Variants in TLN1 observed in about 807,000 individuals in gnomAD.
TLN1 encodes talin 1.
A neutral mutation model predicts 292.3 loss-of-function variants in TLN1; 56 were observed. The observed-to-expected ratio is 0.19, with a 90% CI of 0.15 to 0.24. TLN1 has a LOEUF of 0.24. Among genes scored for constraint, TLN1 ranks in the 10% least tolerant of loss-of-function variants. The pLI, the probability that TLN1 is intolerant of heterozygous loss-of-function variation, is 1.00. For missense variants in TLN1, 2,433 were observed against 3,248.2 expected, an observed-to-expected ratio of 0.75 and a Z score of 6.10; for synonymous variants, 1,119 against 1,253.7, an observed-to-expected ratio of 0.89 and a Z score of 2.27.
chr9:35,697,740 G>T lies in TLN1; in HGVS notation c.*51C>A. 4 of 1,599,800 alleles carry T rather than the reference G, an allele frequency of 2.5e-6. No individual in the cohort carries two copies. The highest frequency in any genetic ancestry group is 1.7e-5 in the Admixed American group (1 of 58,902). Reference sequence around the variant, plus strand: ...CCCGACAGCCCAGAAGGCTTTGGTAGTGGCACGCACAGTCTCTGGGCCGGG... The same window carrying T: ...CCCGACAGCCCAGAAGGCTTTGGTATTGGCACGCACAGTCTCTGGGCCGGG... On this transcript the variant is annotated 3_prime_UTR_variant, in exon 57 of 57. Transcript: ENST00000314888.
At chr9:35,729,281 G>A (rs1051785906) in intron 1 of TLN1, among the ~76,000 whole-genome samples, 1 of 152,234 alleles carries the variant, frequency 6.6e-6, no homozygotes, top group Non-Finnish European at 1.5e-5. Context: ...AGCTGGAGAT[G>A]TGTCAGGGGT....
chr9:35,721,917 C>A lies in TLN1; in HGVS notation c.949-114G>T, dbSNP rs1825884710. 22 of 1,416,980 alleles carry A rather than the reference C, an allele frequency of 1.6e-5. No individual in the cohort carries two copies. The South Asian group carries it at 2.6e-4, about 17-fold the overall frequency. 87.8% of individuals were successfully genotyped at this position (1,416,980 alleles called of 1,614,324 possible). On this transcript the variant is annotated intron_variant, in intron 9 of 56. Transcript: ENST00000314888. ...TGAGGTGGCCGGGAGGGCTAACGGACAAGGGAAAATGCAGGGTAGGGAGGG... is the reference window on the plus strand; with the variant it reads ...TGAGGTGGCCGGGAGGGCTAACGGAAAAGGGAAAATGCAGGGTAGGGAGGG...
chr9:35,704,191 C>A lies in TLN1; in HGVS notation c.6048-17G>T, dbSNP rs1460667786. 1.3e-6 allele frequency: 2 copies of A among 1,578,388 alleles called. No homozygotes were observed. The highest frequency in any genetic ancestry group is 8.6e-7 in the Non-Finnish European group (1 of 1,160,642). ...ATGCCCTCCCTGAGGGAGGGCCCAG[C>A]TTAGTCAGATCTCCCCTACCCGCTC... On this transcript the variant is annotated splice_polypyrimidine_tract_variant and intron_variant, in intron 45 of 56. Coordinates refer to ENST00000314888, the MANE Select transcript of TLN1 (RefSeq NM_006289.4). This position sits in a 1 kb window ranked among gnomAD's most constrained non-coding sequence, Gnocchi z 6.9.
In TLN1 at chr9:35,699,237, A is replaced by G. The variant is rs374711808; in HGVS notation, c.6875-81T>C. 2.7e-4 allele frequency: 417 copies of G among 1,561,040 alleles called. No homozygotes were observed. In the African/African-American group the frequency reaches 5.3e-3, roughly 20 times the overall value. On this transcript the variant is annotated intron_variant, in intron 51 of 56. Transcript: ENST00000314888. The surrounding 1 kb of genome is among the most constrained non-coding windows in gnomAD (Gnocchi z 4.0). ...ACCAGGGAGCATGGTTAGTATCATC[A>G]GGCCCTGGCATCTGTGGGGACTATG...
Position 35,714,144 on chromosome 9 carries a change from T to C in TLN1, c.3121-63A>G, listed in dbSNP as rs1825734300. The C allele has an allele frequency of 6.2e-7, 1 of 1,605,528 alleles. No homozygotes were observed. The highest frequency in any genetic ancestry group is 1.3e-5 in the African/African-American group (1 of 74,694). The stretch of plus-strand genomic sequence containing the variant: ...GCTGTGTCTCACCAATGCCTCTGAT[T>C]ACACAATTATCTGCGTATTGGGTTA... On this transcript the variant is annotated intron_variant, in intron 24 of 56. Coordinates refer to ENST00000314888, the MANE Select transcript of TLN1 (RefSeq NM_006289.4). The surrounding 1 kb of genome is among the most constrained non-coding windows in gnomAD (Gnocchi z 4.6).
chr9:35,707,022 C>G lies in TLN1; in HGVS notation c.4955+50G>C. The G allele has an allele frequency of 6.2e-7, 1 of 1,608,504 alleles. No homozygotes were observed. The highest frequency in any genetic ancestry group is 8.5e-7 in the Non-Finnish European group (1 of 1,178,474). ...TGCACTCAAGTGCCCATCCTCCATTCTGCCACAATGTATGCCCCCCAGCCA... is the reference window on the plus strand; with the variant it reads ...TGCACTCAAGTGCCCATCCTCCATTGTGCCACAATGTATGCCCCCCAGCCA... On this transcript the variant is annotated intron_variant, in intron 37 of 56. Transcript: ENST00000314888. The surrounding 1 kb of genome is among the most constrained non-coding windows in gnomAD (Gnocchi z 5.6).
rs1825813129 is a variant in TLN1, at chr9:35,717,877, T to C, written c.1996-91A>G. 4.2e-6 allele frequency: 6 copies of C among 1,443,480 alleles called. No homozygotes were observed. Among genetic ancestry groups the C allele is most frequent in the African/African-American group, 2.8e-5 (2 of 71,128 alleles). The allele number at this position is 1,443,480 out of a possible 1,614,324, so 89.4% of individuals were successfully genotyped here. ...GCGTAAGCTGCTTCATTATTCCCAC[T>C]GATCCAATCAAAGGAGAGTGTACGC... On this transcript the variant is annotated intron_variant, in intron 17 of 56. Transcript: ENST00000314888. The surrounding 1 kb of genome is among the most constrained non-coding windows in gnomAD (Gnocchi z 4.7).
intron 26 of TLN1, 69 bp downstream of exon 26, chr9:35,713,127 C>G (rs544411477): frequency 2.5e-5 from 39 of 1,571,576 alleles, no homozygotes; most frequent in African/African-American, 4.0e-5. Flanking sequence ...TCAGTCCCAT[C>G]CCTCATCCAG....
At position 35,704,411 on chromosome 9, in the gene TLN1, C is replaced by A. The variant is rs1825525770; in HGVS notation, c.5968G>T (p.Ala1990Ser). 1.2e-6 allele frequency: 2 copies of A among 1,614,098 alleles called. No individual in the cohort carries two copies. Among genetic ancestry groups the A allele is most frequent in the African/African-American group, 2.7e-5 (2 of 74,942 alleles). ...TAASAVSGII[A>S]DLDTTIMFAT... ...AACATGATGGTGGTGTCGAGGTCAGCAATGATACCAGACACAGCGCTGGCT... is the reference window on the plus strand; with the variant it reads ...AACATGATGGTGGTGTCGAGGTCAGAAATGATACCAGACACAGCGCTGGCT... Residue 1990 changes from alanine to serine, a missense_variant, in exon 45 of 57, where the codon GCT becomes TCT. Around this residue, in one of 7 missense-constraint regions of TLN1, gnomAD observed 1,384 missense variants for 1,699.6 expected, o/e 0.81. Transcript: ENST00000314888. This position sits in a 1 kb window ranked among gnomAD's most constrained non-coding sequence, Gnocchi z 6.9.
rs1256647283 is a variant in TLN1, at chr9:35,724,114, T to C, written c.655-35A>G. 1 of 1,612,680 alleles carries C rather than the reference T, an allele frequency of 6.2e-7. No homozygotes were observed. Among genetic ancestry groups the C allele is most frequent in the Non-Finnish European group, 8.5e-7 (1 of 1,178,788 alleles). Reference sequence around the variant, plus strand: ...ACAGGGCAAGGAGGCGAATGTTGTGTGTGGGTGCAAGGACACGCACACTGT... The same window carrying C: ...ACAGGGCAAGGAGGCGAATGTTGTGCGTGGGTGCAAGGACACGCACACTGT... On this transcript the variant is annotated intron_variant, in intron 6 of 56. Coordinates refer to ENST00000314888, the MANE Select transcript of TLN1 (RefSeq NM_006289.4). This position sits in a 1 kb window ranked among gnomAD's most constrained non-coding sequence, Gnocchi z 4.7.
chr9:35,713,257 G>T lies in TLN1; in HGVS notation c.3291C>A (p.Ala1097=). The change falls in exon 26 of 57, where the codon GCC becomes GCA. Residue 1097 remains alanine, a synonymous_variant. Coordinates refer to ENST00000314888, the MANE Select transcript of TLN1 (RefSeq NM_006289.4). ...CTQDLGNSTK[A]VSSAIAQLLG... Reference sequence around the variant, plus strand: ...GTAGCTGGGCGATGGCTGAGCTCACGGCTTTGGTGCTGTTGCCCAGGTCCT... The same window carrying T: ...GTAGCTGGGCGATGGCTGAGCTCACTGCTTTGGTGCTGTTGCCCAGGTCCT... The T allele has an allele frequency of 6.3e-7, 1 of 1,599,522 alleles. No homozygotes were observed. Among genetic ancestry groups the T allele is most frequent in the Non-Finnish European group, 8.6e-7 (1 of 1,167,842 alleles).
Position 35,722,392 on chromosome 9 carries a change from C to T in TLN1, c.844-169G>A, listed in dbSNP as rs542107808. ...GGGATGGAGGCTGATAAGGGCTATG[C>T]AGAAGCGATGAGTCAAGGGATACAG... On this transcript the variant is annotated intron_variant, in intron 8 of 56. Coordinates refer to ENST00000314888, the MANE Select transcript of TLN1 (RefSeq NM_006289.4). Among the ~76,000 whole-genome samples, 4 of 152,266 alleles carry T rather than the reference C, an allele frequency of 2.6e-5. No homozygotes were observed. In the East Asian group the frequency reaches 7.7e-4, roughly 29 times the overall value.
chr9:35,707,636 G>A lies in TLN1; in HGVS notation c.4632+95C>T, dbSNP rs1453593571. On this transcript the variant is annotated intron_variant, in intron 35 of 56. Transcript: ENST00000314888. This position sits in a 1 kb window ranked among gnomAD's most constrained non-coding sequence, Gnocchi z 5.6. ...TAGAAAGAGCTTGGGCTCAGGCAGA[G>A]GGGATTTGGTAGAAGGCTTCAGAGA... is the stretch of plus-strand genomic sequence containing the variant. The A allele has an allele frequency of 9.4e-6, 15 of 1,589,600 alleles. No homozygotes were observed.
chr9:35,709,533 A>G (rs937370880), intron 33 of TLN1, among the ~76,000 whole-genome samples: 2 of 152,202 alleles, frequency 1.3e-5, no homozygotes, highest in African/African-American at 4.8e-5. Context: ...ATAATGTGGG[A>G]AAAGGCAAAG....
Position 35,699,010 on chromosome 9 carries a change from A to C in TLN1, c.6999+22T>G. ...GGGACACTGCCATGGTGAGGGTGGA[A>C]GAGGAAGGGAGCAGGACTGACCTTG... On this transcript the variant is annotated intron_variant, in intron 52 of 56. Coordinates refer to ENST00000314888, the MANE Select transcript of TLN1 (RefSeq NM_006289.4). The surrounding 1 kb of genome is among the most constrained non-coding windows in gnomAD (Gnocchi z 4.0). 1 of 1,608,642 alleles carries C rather than the reference A, an allele frequency of 6.2e-7. No individual in the cohort carries two copies. The highest frequency in any genetic ancestry group is 8.5e-7 in the Non-Finnish European group (1 of 1,175,448).
chr9:35,708,609 C>T, intron 33 of TLN1, 125 bp from the exon 34 acceptor site: 1 of 949,558 alleles, frequency 1.1e-6, no homozygotes, highest in Non-Finnish European at 1.4e-6. Context: ...CAGAGTTCTC[C>T]ATGAGTGGAG....
intron 48 of TLN1, among the ~76,000 whole-genome samples, chr9:35,701,719 T>G (rs1413983147): frequency 6.6e-6 from 1 of 152,062 alleles, no homozygotes; most frequent in South Asian, 2.1e-4. Flanking sequence ...GTGGTAGTGG[T>G]AGGAGATAAA....
At position 35,697,677 on chromosome 9, in the gene TLN1, A is replaced by G; in HGVS notation, c.*114T>C. ...GCGGGGCCAGGCCCTGGGGTTTGGC[A>G]GGCACTTTGGGGAGTGCTGGGGTTG... On this transcript the variant is annotated 3_prime_UTR_variant, in exon 57 of 57. Coordinates refer to ENST00000314888, the MANE Select transcript of TLN1 (RefSeq NM_006289.4). 1 of 1,472,102 alleles carries G rather than the reference A, an allele frequency of 6.8e-7. No homozygotes were observed. Among genetic ancestry groups the G allele is most frequent in the Non-Finnish European group, 9.1e-7 (1 of 1,093,928 alleles). 91.2% of individuals were successfully genotyped at this position (1,472,102 alleles called of 1,614,324 possible). A position where few individuals can be genotyped will look rare whatever the true frequency, so the allele number is the denominator to read the frequency against.
rs760390614 is a variant in TLN1 at position 35,718,899 on chromosome 9, G to A, written c.1908C>T (p.Asn636=). The A allele has an allele frequency of 6.2e-7, 1 of 1,612,696 alleles. No individual in the cohort carries two copies. Among genetic ancestry groups the A allele is most frequent in the Non-Finnish European group, 8.5e-7 (1 of 1,179,336 alleles). ...CCACGTTCCCAGCTGCTTGCAGCAGGTTCTGACGGGGCTGTGGAGAGTGAA... is the reference window on the plus strand; with the variant it reads ...CCACGTTCCCAGCTGCTTGCAGCAGATTCTGACGGGGCTGTGGAGAGTGAA... ...AQPASAEPRQ[N]LLQAAGNVGQ... Residue 636 remains asparagine, a synonymous_variant, in exon 17 of 57, where the codon AAC becomes AAT. Coordinates refer to ENST00000314888, the MANE Select transcript of TLN1 (RefSeq NM_006289.4).
Sources: gnomAD v4.1 joint callset for allele counts (sites outside exome capture counted in the v4.1 genomes callset) on GRCh38, gnomAD v4.1.1 for gene constraint, gnomAD v4.1.1 regional missense constraint, Gnocchi (gnomAD v3.1) non-coding constraint, MANE v1.5 for transcripts, NCBI Gene and HGNC (gene_info 2026-07-23, HGNC 2026-07-21) for gene names.